TOX3: variants seen among roughly 807,000 people sequenced by gnomAD.
The protein encoded by TOX3 is CAG trinucleotide repeat-containing gene F9 protein.
In TOX3, 22 loss-of-function variants were observed where a neutral mutation model predicts 64.3. The ratio of observed to expected loss-of-function variants is 0.34; its 90% CI spans 0.24 to 0.49. The LOEUF is 0.49. TOX3 is among the 20% of genes least tolerant of loss of function. The pLI is 0.99. For missense variants in TOX3, 661 were observed against 714.4 expected (o/e 0.93, Z 0.85); for synonymous variants, 291 against 273.6 (o/e 1.06, Z -0.63).
intron 1 of TOX3, among the ~76,000 whole-genome samples, chr16:52,524,067 C>CA (rs1423021729): frequency 6.6e-6 from 1 of 152,188 alleles, no homozygotes; most frequent in Non-Finnish European, 1.5e-5. Context: ...CATCTTTCTG[C>CA]ATTTACTTAG....
At chr16:52,509,476 T>C (rs1450129054) in intron 1 of TOX3, among the ~76,000 whole-genome samples, 1 of 152,236 alleles carries the variant, frequency 6.6e-6, no homozygotes, top group African/African-American at 2.4e-5. Context: ...TCAGCATAGT[T>C]CTAAAAGTGT....
Position 52,439,435 on chromosome 16 carries a change from CTGCAGCTGCTGT to C in TOX3, c.1509_1520del (p.Gln509_Gln512del), listed in dbSNP as rs1216368551. 2 of 1,532,168 alleles carry C rather than the reference CTGCAGCTGCTGT, an allele frequency of 1.3e-6. No homozygotes were observed. The highest frequency in any genetic ancestry group is 1.8e-6 in the Non-Finnish European group (2 of 1,126,964). The allele number at this position is 1,532,168 out of a possible 1,614,324, so 94.9% of individuals were successfully genotyped here. ...GCTGGAGGCGCTGCTGCAGCTGCTG[CTGCAGCTGCTGT>C]TGATTAATTTGCTGCTGGAGATGCT... On this transcript the variant is annotated inframe_deletion, in exon 7 of 7. Coordinates refer to ENST00000219746, the MANE Select transcript of TOX3 (RefSeq NM_001080430.4).
Position 52,440,752 on chromosome 16 carries a change from C to CTTTTTTTT in TOX3, c.988-792_988-785dup, listed in dbSNP as rs60615310. Among the ~76,000 whole-genome samples, 102 of 66,612 alleles carry CTTTTTTTT rather than the reference C, an allele frequency of 1.5e-3. 3 individuals are homozygous for CTTTTTTTT. Among genetic ancestry groups the CTTTTTTTT allele is most frequent in the Non-Finnish European group, 2.0e-3 (67 of 32,708 alleles). The allele number at this position is 66,612 out of a possible 152,430, so 43.7% of individuals were successfully genotyped here. A position where few individuals can be genotyped will look rare whatever the true frequency, so the allele number is the denominator to read the frequency against. ...GGTTATATGGTATTTTTCTTTCTTT[C>CTTTTTTTT]TTTTTTTTTTTTTTTTTTTTTTTTT... On this transcript the variant is annotated intron_variant, in intron 6 of 6. Coordinates refer to ENST00000219746, the MANE Select transcript of TOX3 (RefSeq NM_001080430.4).
rs763204721 is a variant in TOX3 at position 52,499,361 on chromosome 16, A to G, written c.88-30787T>C. 4.6e-5 allele frequency among the ~76,000 whole-genome samples: 7 copies of G among 152,344 alleles called. No homozygotes were observed. In the South Asian group the frequency reaches 1.2e-3, roughly 27 times the overall value. On this transcript the variant is annotated intron_variant, in intron 1 of 6. Coordinates refer to ENST00000219746, the MANE Select transcript of TOX3 (RefSeq NM_001080430.4). ...GTTTTCTTTTGTTTTTCTTCGTGGC[A>G]AGTGTTCCAGATACTCAAAACGTTA...
intron 1 of TOX3, among the ~76,000 whole-genome samples, chr16:52,496,268 T>C (rs868161289): frequency 6.6e-6 from 1 of 152,188 alleles, no homozygotes; most frequent in South Asian, 2.1e-4. Flanking sequence ...CACTTCCAGA[T>C]AAGATACTGC....
intron 1 of TOX3, among the ~76,000 whole-genome samples, chr16:52,523,929 AT>A (rs1173884610): frequency 1.3e-5 from 2 of 152,000 alleles, no homozygotes; most frequent in Non-Finnish European, 2.9e-5. Context: ...GCTGCTTGAT[AT>A]TTTTTTTCCC....
intron 2 of TOX3, among the ~76,000 whole-genome samples, chr16:52,467,855 G>A (rs1329835535): frequency 6.6e-6 from 1 of 152,134 alleles, no homozygotes; most frequent in Non-Finnish European, 1.5e-5. Context: ...GACAGACCCA[G>A]AGACAATGAG....
chr16:52,467,402 T>C (rs1960900261), intron 2 of TOX3, among the ~76,000 whole-genome samples: 2 of 152,224 alleles, frequency 1.3e-5, no homozygotes, highest in Non-Finnish European at 2.9e-5. Flanking sequence ...ATGGTCACTA[T>C]AAAAATGATT....
intron 1 of TOX3, among the ~76,000 whole-genome samples, chr16:52,490,875 C>T (rs1010322752): frequency 5.9e-5 from 9 of 152,096 alleles, no homozygotes; most frequent in Admixed American, 1.3e-4. Flanking sequence ...GCGATCCACC[C>T]ACCTCAGCCT....
intron 1 of TOX3, among the ~76,000 whole-genome samples, chr16:52,485,246 G>GTGTGTGTATATATATATA (rs1555484130): frequency 7.0e-5 from 9 of 127,890 alleles, no homozygotes; most frequent in African/African-American, 3.0e-4. Flanking sequence ...ATGTGTGTGT[G>GTGTGTGTATATATATATA]TATATATATA....
chr16:52,472,208 T>C (rs938211295), intron 1 of TOX3, among the ~76,000 whole-genome samples: 19 of 152,276 alleles, frequency 1.2e-4, no homozygotes, highest in Non-Finnish European at 2.5e-4. Flanking sequence ...GTGCCTATTA[T>C]GTACAAGGGG....
In TOX3 at chr16:52,468,553, T is replaced by C; in HGVS notation, c.109A>G (p.Met37Val). 1 of 1,612,594 alleles carries C rather than the reference T, an allele frequency of 6.2e-7. No individual in the cohort carries two copies. The highest frequency in any genetic ancestry group is 8.5e-7 in the Non-Finnish European group (1 of 1,179,024). ...YSKFGNNNNY[M>V]NMAEANNAFF... The stretch of plus-strand genomic sequence containing the variant: ...GCATTGTTCGCCTCAGCCATATTCA[T>C]ATAGTTATTATTATTTCCAAACTGA... The change falls in exon 2 of 7, where the codon ATG becomes GTG. Residue 37 changes from methionine to valine, a missense_variant. Physicochemically the swap from Met to Val is conservative, Grantham distance 21 (BLOSUM62 1). Around this residue, in one of 3 missense-constraint regions of TOX3, gnomAD observed 259 missense variants for 261.2 expected, o/e 0.99. Coordinates refer to ENST00000219746, the MANE Select transcript of TOX3 (RefSeq NM_001080430.4).
intron 1 of TOX3, among the ~76,000 whole-genome samples, chr16:52,496,298 G>A (rs554497576): frequency 6.6e-6 from 1 of 152,282 alleles, no homozygotes; most frequent in African/African-American, 2.4e-5. Context: ...GGTTATACTT[G>A]CAGTAATAAT....
intron 1 of TOX3, among the ~76,000 whole-genome samples, chr16:52,527,637 C>A (rs1962753658): frequency 6.6e-6 from 1 of 152,200 alleles, no homozygotes; most frequent in African/African-American, 2.4e-5. Flanking sequence ...CAGGAGCCTC[C>A]TTCCCTGGTG....
At chr16:52,523,417 G>A (rs1291985035) in intron 1 of TOX3, among the ~76,000 whole-genome samples, 1 of 152,174 alleles carries the variant, frequency 6.6e-6, no homozygotes, top group Non-Finnish European at 1.5e-5. Flanking sequence ...GCTCCAAGCA[G>A]AGGAGTCACA....
At chr16:52,450,596 C>T in intron 3 of TOX3, 50 bp from the exon 4 acceptor site, 1 of 1,608,054 alleles carries the variant, frequency 6.2e-7, no homozygotes, top group Non-Finnish European at 8.5e-7. Flanking sequence ...TTCCAGATAT[C>T]AGTGAACTTA....
chr16:52,443,369 C>A (rs766776332), intron 6 of TOX3, among the ~76,000 whole-genome samples: 7 of 152,238 alleles, frequency 4.6e-5, no homozygotes, highest in Non-Finnish European at 1.0e-4. Flanking sequence ...GAGAGGAGGA[C>A]CTCTGTTGAT....
chr16:52,489,517 G>T (rs1384383066), intron 1 of TOX3, among the ~76,000 whole-genome samples: 1 of 152,226 alleles, frequency 6.6e-6, no homozygotes, highest in Non-Finnish European at 1.5e-5. Context: ...CCTCTGGAAA[G>T]AGTTATTTTC....
chr16:52,487,928 C>G (rs1390329731), intron 1 of TOX3, among the ~76,000 whole-genome samples: 1 of 152,042 alleles, frequency 6.6e-6, no homozygotes, highest in Non-Finnish European at 1.5e-5. Context: ...AGCAAATTTT[C>G]CCCCACAATT....
Sources: gnomAD v4.1 joint callset for allele counts (sites outside exome capture counted in the v4.1 genomes callset) on GRCh38, gnomAD v4.1.1 for gene constraint, gnomAD v4.1.1 regional missense constraint, MANE v1.5 for transcripts, NCBI Gene and HGNC (gene_info 2026-07-23, HGNC 2026-07-21) for gene names.